The following DMD variants were observed in gnomAD, a reference collection of about 807,000 sequenced individuals.
DMD encodes the protein mutant dystrophin.
Under a neutral mutation model 330.1 loss-of-function variants are expected in DMD, and 63 were observed. The observed-to-expected ratio is 0.19, with a 90% CI of 0.16 to 0.24. DMD has a LOEUF of 0.24. Among genes scored for constraint, DMD ranks in the 10% least tolerant of loss-of-function variants. The pLI is 1.00. For missense variants in DMD, 3,344 were observed against 2,684.1 expected (o/e 1.25, Z -5.43); for synonymous variants, 1,223 against 959.8 (o/e 1.27, Z -5.07).
At chrX:32,994,349 AT>A (rs769071971) in intron 2 of DMD, among the ~76,000 whole-genome samples, 1 of 105,832 alleles carries the variant, frequency 9.4e-6, no homozygotes, top group African/African-American at 3.6e-5. Flanking sequence ...AAAAAAAAAA[AT>A]AGATTGTTTA....
At chrX:32,942,875 G>A (rs899842214) in intron 2 of DMD, among the ~76,000 whole-genome samples, 3 of 111,624 alleles carry the variant, frequency 2.7e-5, no homozygotes, top group Admixed American at 9.5e-5. Context: ...AAGAAACATG[G>A]AGGACCACTA....
intron 2 of DMD, among the ~76,000 whole-genome samples, chrX:32,910,482 GC>G (rs1479010890): frequency 9.0e-6 from 1 of 110,830 alleles, no homozygotes; most frequent in Non-Finnish European, 1.9e-5. Flanking sequence ...GGGCTGGAGT[GC>G]AATGGTGTGA....
At chrX:32,463,624 G>GA in intron 24 of DMD, 30 bp from the exon 25 acceptor site, 1 of 1,086,117 alleles carries the variant, frequency 9.2e-7, no homozygotes, top group Non-Finnish European at 1.2e-6. Context: ...TAAGCCAGCT[G>GA]AAAAAAATTA....
rs151050521 is a variant in DMD at position 31,511,604 on chromosome X, T to C, written c.8218-4151A>G. ...GGTGTTTGGTGTTCTGTTCTTGTGA[T>C]AGTTTACTGAGAATAATGATTTCCA... On this transcript the variant is annotated intron_variant, in intron 55 of 78. Coordinates refer to ENST00000357033, the MANE Select transcript of DMD (RefSeq NM_004006.3). Among the ~76,000 whole-genome samples the C allele has an allele frequency of 6.1e-3, 650 of 106,899 alleles. 5 individuals are homozygous for C. The highest frequency in any genetic ancestry group is 0.014 in the Middle Eastern group (3 of 211). 92.8% of individuals were successfully genotyped at this position (106,899 alleles called of 115,157 possible).
chrX:32,165,890 G>A (rs987979610), intron 44 of DMD, among the ~76,000 whole-genome samples: 3 of 110,490 alleles, frequency 2.7e-5, no homozygotes, highest in African/African-American at 9.9e-5. Flanking sequence ...GTTTTATAAG[G>A]GTCTCTTCCC....
At chrX:32,282,577 A>C (rs963055636) in intron 43 of DMD, among the ~76,000 whole-genome samples, 1 of 112,167 alleles carries the variant, frequency 8.9e-6, no homozygotes, top group Non-Finnish European at 1.9e-5. Flanking sequence ...TTGTTGAGAT[A>C]CATGTTGAAA....
At chrX:33,194,524 A>G (rs2050821413) in intron 1 of DMD, among the ~76,000 whole-genome samples, 1 of 111,788 alleles carries the variant, frequency 8.9e-6, no homozygotes, top group Non-Finnish European at 1.9e-5. Context: ...ATAGATAAGA[A>G]CAAAGATACT....
At chrX:32,174,796 G>C (rs1452296787) in intron 44 of DMD, among the ~76,000 whole-genome samples, 1 of 109,625 alleles carries the variant, frequency 9.1e-6, no homozygotes, top group African/African-American at 3.3e-5. Flanking sequence ...TTTCAAGCAA[G>C]AACAGAAGCA....
intron 2 of DMD, among the ~76,000 whole-genome samples, chrX:32,905,259 G>C (rs1049279705): frequency 9.0e-6 from 1 of 111,337 alleles, no homozygotes; most frequent in African/African-American, 3.3e-5. Context: ...ATAAGACATA[G>C]GATTCACTAA....
chrX:32,895,906 T>G (rs1185544222), intron 2 of DMD, among the ~76,000 whole-genome samples: 1 of 110,159 alleles, frequency 9.1e-6, no homozygotes, highest in Non-Finnish European at 1.9e-5. Flanking sequence ...ACATTGCTAG[T>G]CTTGTAATCT....
chrX:32,550,572 A>G (rs2049440949), intron 16 of DMD, among the ~76,000 whole-genome samples: 1 of 111,042 alleles, frequency 9.0e-6, no homozygotes, highest in African/African-American at 3.3e-5. Flanking sequence ...CGAACATCAC[A>G]AGGAACGAGA....
intron 9 of DMD, among the ~76,000 whole-genome samples, chrX:32,663,081 A>C (rs1029782392): frequency 8.9e-6 from 1 of 111,930 alleles, no homozygotes; most frequent in South Asian, 3.7e-4. Context: ...GAAGACAAAA[A>C]CTGAAAACCA....
intron 29 of DMD, among the ~76,000 whole-genome samples, chrX:32,436,419 G>A (rs1296323352): frequency 9.0e-6 from 1 of 111,437 alleles, no homozygotes; most frequent in East Asian, 2.8e-4. Flanking sequence ...AAAAGTTTAT[G>A]CTTTAAAAAC....
intron 52 of DMD, among the ~76,000 whole-genome samples, chrX:31,728,592 A>T (rs892300435): frequency 3.6e-5 from 4 of 112,197 alleles, no homozygotes; most frequent in Admixed American, 9.4e-5. Context: ...CAACATATTG[A>T]CAACTAGTCA....
chrX:32,807,122 T>TTAAAAAAAAAAAA (rs1345640031), intron 7 of DMD, among the ~76,000 whole-genome samples: 9 of 20,739 alleles, frequency 4.3e-4, no homozygotes, highest in African/African-American at 2.0e-3. Context: ...CGGAAACATT[T>TTAAAAAAAAAAAA]AAAAAAAAAA....
intron 4 of DMD, among the ~76,000 whole-genome samples, chrX:32,824,928 G>C (rs1378766926): frequency 9.0e-6 from 1 of 111,324 alleles, no homozygotes; most frequent in African/African-American, 3.3e-5. Context: ...TCATCATCTG[G>C]GGATTCCTCA....
At chrX:33,126,775 G>C (rs751550418) in intron 1 of DMD, among the ~76,000 whole-genome samples, 124 of 111,448 alleles carry the variant, frequency 1.1e-3, no homozygotes, top group Non-Finnish European at 2.0e-3. Flanking sequence ...AAGCTGTGAA[G>C]GTTCAATAAA....
rs2148312376 is a variant in DMD, at chrX:31,180,490, G to A, written c.9975-9C>T. 1.8e-6 allele frequency: 2 copies of A among 1,103,452 alleles called. No homozygotes were observed. Among genetic ancestry groups the A allele is most frequent in the South Asian group, 1.8e-5 (1 of 54,573 alleles). The allele number at this position is 1,103,452 out of a possible 1,213,427, so 90.9% of individuals were successfully genotyped here. A position where few individuals can be genotyped will look rare whatever the true frequency, so the allele number is the denominator to read the frequency against. On this transcript the variant is annotated splice_polypyrimidine_tract_variant and intron_variant, in intron 68 of 78. Coordinates refer to ENST00000357033, the MANE Select transcript of DMD (RefSeq NM_004006.3). The stretch of plus-strand genomic sequence containing the variant: ...GCTTTAGACTCCTGTACCTGATAAA[G>A]AGCAAAAACAAACACGTATGTATTT...
chrX:32,613,725 G>A (rs1035173893), intron 12 of DMD, among the ~76,000 whole-genome samples: 1 of 110,407 alleles, frequency 9.1e-6, no homozygotes, highest in African/African-American at 3.3e-5. Flanking sequence ...CACATACCCT[G>A]CGTTGTTCTC....
Sources: gnomAD v4.1 joint callset for allele counts (sites outside exome capture counted in the v4.1 genomes callset) on GRCh38, gnomAD v4.1.1 for gene constraint, MANE v1.5 for transcripts, NCBI Gene and HGNC (gene_info 2026-07-23, HGNC 2026-07-21) for gene names.